The following LRRC32 variants were observed in gnomAD, a reference collection of about 807,000 sequenced individuals.
The protein encoded by LRRC32 is transforming growth factor beta activator LRRC32.
Under a neutral mutation model 15.0 loss-of-function variants are expected in LRRC32, and 5 were observed. The ratio of observed to expected loss-of-function variants is 0.33; its 90% confidence interval spans 0.17 to 0.70. LRRC32 has a LOEUF of 0.70. LRRC32 is among the 30% of genes least tolerant of loss of function. The pLI is 0.66. For synonymous variants in LRRC32, 391 were observed against 403.9 expected, an observed-to-expected ratio of 0.97 and a Z score of 0.38; for missense variants, 803 against 854.2, an observed-to-expected ratio of 0.94 and a Z score of 0.75.
intron 2 of LRRC32, chr11:76,663,560 T>C (rs775743363): frequency 6.6e-6 from 1 of 152,236 alleles, no homozygotes; most frequent in Non-Finnish European, 1.5e-5. Flanking sequence ...AGTGACTCCA[T>C]GTAGCCTCCA....
chr11:76,666,362 T>TGG (rs1429526720), intron 1 of LRRC32, among the ~76,000 whole-genome samples: 2 of 148,554 alleles, frequency 1.3e-5, no homozygotes, highest in Admixed American at 6.6e-5. Context: ...GTTTGGAGGG[T>TGG]GGGCCTCTGA....
Position 76,660,203 on chromosome 11 carries a change from G to T in LRRC32, c.1390C>A (p.Leu464Ile). 6.3e-7 allele frequency: 1 copy of T among 1,582,014 alleles called. No homozygotes were observed. The highest frequency in any genetic ancestry group is 2.2e-5 in the East Asian group (1 of 44,536). ...EIELLRAGAF[L>I]HTPLTELDLS... is the part of the protein sequence containing the mutation. ...TCCAGCTCAGTCAGTGGGGTGTGGA[G>T]GAAGGCCCCTGCCCTGAGCAGCTCT... Residue 464 changes from leucine (L) to isoleucine (I), a missense_variant, in exon 3 of 3, where the codon CTC becomes ATC. Physicochemically the swap from Leu to Ile is conservative, Grantham distance 5. Coordinates refer to ENST00000260061, the MANE Select transcript of LRRC32 (RefSeq NM_001128922.2).
At chr11:76,668,933 G>A (rs1232421141) in intron 1 of LRRC32, among the ~76,000 whole-genome samples, 1 of 152,234 alleles carries the variant, frequency 6.6e-6, no homozygotes, top group Non-Finnish European at 1.5e-5. Context: ...GCCCTCCTCA[G>A]TGGTGCCCAA....
At position 76,660,351 on chromosome 11, in the gene LRRC32, C is replaced by T. The variant is rs1448635483; in HGVS notation, c.1242G>A (p.Arg414=). The T allele has an allele frequency of 1.2e-6, 2 of 1,611,614 alleles. No homozygotes were observed. Among genetic ancestry groups the T allele is most frequent in the South Asian group, 2.2e-5 (2 of 90,582 alleles). Residue 414 remains arginine (R), a synonymous_variant, in exon 3 of 3, where the codon CGG becomes CGA. Transcript: ENST00000260061. Reference sequence around the variant, plus strand: ...TGACTCGGTTCCCCTGCAGGTTGAGCCGCTGCAGGCTGGCCAGATTGGCAA... The same window carrying T: ...TGACTCGGTTCCCCTGCAGGTTGAGTCGCTGCAGGCTGGCCAGATTGGCAA... ...YTFANLASLQ[R]LNLQGNRVSP... is the part of the protein sequence containing the mutation.
At chr11:76,664,800 C>T (rs1374011612) in intron 2 of LRRC32, among the ~76,000 whole-genome samples, 4 of 152,192 alleles carry the variant, frequency 2.6e-5, no homozygotes, top group African/African-American at 4.8e-5. Context: ...GTAGAATGTG[C>T]GTTTGTATTT....
rs895096843 is a variant in LRRC32, at chr11:76,658,384, A to T, written c.*1220T>A. On this transcript the variant is annotated 3_prime_UTR_variant, in exon 3 of 3. Coordinates refer to ENST00000260061, the MANE Select transcript of LRRC32 (RefSeq NM_001128922.2). The stretch of plus-strand genomic sequence containing the variant: ...CAGGGTGGAAAGGAAGGGAGGAGGG[A>T]AACAGGCAGAGAAGGAGGAGAGCGC... 16 of 152,966 alleles carry T rather than the reference A, an allele frequency of 1.0e-4. No individual in the cohort carries two copies. Among genetic ancestry groups the T allele is most frequent in the African/African-American group, 3.4e-4 (14 of 41,478 alleles). The allele number at this position is 152,966 out of a possible 1,614,324, so 9.5% of individuals were successfully genotyped here.
chr11:76,659,332 C>T lies in LRRC32; in HGVS notation c.*272G>A, dbSNP rs192678085. 1.2e-4 allele frequency: 55 copies of T among 455,570 alleles called. No individual in the cohort carries two copies. In the Admixed American group the frequency reaches 1.2e-3, roughly 10 times the overall value. 28.2% of individuals were successfully genotyped at this position (455,570 alleles called of 1,614,324 possible). ...CCAGAGCAGGGTGTGGCACAAAATACATGCTCAGTGAAGATTTGTTGATCT... is the reference window on the plus strand; with the variant it reads ...CCAGAGCAGGGTGTGGCACAAAATATATGCTCAGTGAAGATTTGTTGATCT... On this transcript the variant is annotated 3_prime_UTR_variant, in exon 3 of 3. Transcript: ENST00000260061.
In LRRC32 at chr11:76,660,121, G is replaced by A. The variant is rs779587215; in HGVS notation, c.1472C>T (p.Ala491Val). ...VATGALGGLE[A>V]SLEVLALQGN... ...CTGCAGTGCCAGGACCTCCAAGGAG[G>A]CCTCCAGGCCTCCCAAGGCCCCCGT... The change falls in exon 3 of 3, where the codon GCC becomes GTC. Residue 491 changes from alanine to valine, a missense_variant. Transcript: ENST00000260061. 6 of 1,611,376 alleles carry A rather than the reference G, an allele frequency of 3.7e-6. No individual in the cohort carries two copies. In the Admixed American group the frequency reaches 5.0e-5, roughly 14 times the overall value.
Position 76,659,513 on chromosome 11 carries a change from G to A in LRRC32, c.*91C>T. The A allele has an allele frequency of 7.3e-7, 1 of 1,373,768 alleles. No individual in the cohort carries two copies. The highest frequency in any genetic ancestry group is 1.4e-5 in the South Asian group (1 of 71,796). The allele number at this position is 1,373,768 out of a possible 1,614,324, so 85.1% of individuals were successfully genotyped here. On this transcript the variant is annotated 3_prime_UTR_variant, in exon 3 of 3. Transcript: ENST00000260061. Reference sequence around the variant, plus strand: ...CTGTAATTTGGAGACCAGAGTTCTGGGATCCCGGATCACTGTGTGACCTTG... The same window carrying A: ...CTGTAATTTGGAGACCAGAGTTCTGAGATCCCGGATCACTGTGTGACCTTG...
intron 1 of LRRC32, 132 bp from the exon 2 acceptor site, chr11:76,666,090 G>A (rs1285902176): frequency 1.4e-5 from 11 of 780,576 alleles, no homozygotes; most frequent in Non-Finnish European, 2.1e-5. Context: ...GAATAAAGAT[G>A]CTTTGAGCAG....
In LRRC32 at chr11:76,660,280, G is replaced by A. The variant is rs370553334; in HGVS notation, c.1313C>T (p.Ala438Val). The change falls in exon 3 of 3, where the codon GCC becomes GTC. Residue 438 changes from alanine to valine, a missense_variant. Physicochemically the swap from Ala to Val is moderately conservative, Grantham distance 64. Transcript: ENST00000260061. ...GCGGAGGGAGGTGATGCCGGAGAAG[G>A]CCACACAGCCGGAGGGGCCAGGCTC... ...PDEPGPSGCV[A>V]FSGITSLRSL... 1.3e-6 allele frequency: 2 copies of A among 1,580,372 alleles called. No individual in the cohort carries two copies. The highest frequency in any genetic ancestry group is 1.7e-6 in the Non-Finnish European group (2 of 1,165,484).
At chr11:76,670,467 C>A (rs1271259458) in intron 1 of LRRC32, 147 bp downstream of exon 1, 1 of 152,272 alleles carries the variant, frequency 6.6e-6, no homozygotes, top group Non-Finnish European at 1.5e-5. Flanking sequence ...GAGGGTCAGC[C>A]CCGGCTCCAC....
chr11:76,665,807 A>G, intron 2 of LRRC32, 64 bp downstream of exon 2: 3 of 1,601,838 alleles, frequency 1.9e-6, no homozygotes, highest in Non-Finnish European at 2.6e-6. Context: ...GGGCTGGGGC[A>G]CTAGCACACC....
rs146793058 is a variant in LRRC32, at chr11:76,659,617, T to G, written c.1976A>C (p.Gln659Pro). The change falls in exon 3 of 3, where the codon CAG becomes CCG. Residue 659 changes from glutamine (Q) to proline (P), a missense_variant. Transcript: ENST00000260061. Reference protein sequence around the residue: ...CCVRRQKFNQQYKA With the variant: ...CCVRRQKFNQPYKA ...CTCCCGGCTTCTTTAGGCTTTATAC[T>G]GTTGGTTAAACTTCTGCCGGCGGAC... 4.2e-5 allele frequency: 67 copies of G among 1,614,006 alleles called. No individual in the cohort carries two copies. The African/African-American group carries it at 8.1e-4, about 20-fold the overall frequency.
Position 76,659,946 on chromosome 11 carries a change from G to T in LRRC32, c.1647C>A (p.Ser549Arg). 1 of 1,613,972 alleles carries T rather than the reference G, an allele frequency of 6.2e-7. No individual in the cohort carries two copies. The highest frequency in any genetic ancestry group is 8.5e-7 in the Non-Finnish European group (1 of 1,180,028). ...CACCCATGGCACTGCCTGGCAGGAG[G>T]CTGAAGCTGTTGTTTCGCAGGTCCA... ...EVLDLRNNSF[S>R]LLPGSAMGGL... The change falls in exon 3 of 3, where the codon AGC becomes AGA. Residue 549 changes from serine (S) to arginine (R), a missense_variant. Transcript: ENST00000260061.
At chr11:76,667,461 C>T (rs1051923483) in intron 1 of LRRC32, among the ~76,000 whole-genome samples, 1 of 152,196 alleles carries the variant, frequency 6.6e-6, no homozygotes, top group African/African-American at 2.4e-5. Flanking sequence ...TGTTGGAACC[C>T]GCTAGTGATG....
intron 2 of LRRC32, among the ~76,000 whole-genome samples, chr11:76,665,113 T>C (rs1207239533): frequency 1.3e-5 from 2 of 152,226 alleles, no homozygotes; most frequent in Admixed American, 6.5e-5. Flanking sequence ...CTGTATCTCA[T>C]AGAGTCACAA....
At chr11:76,664,790 G>A (rs570647298) in intron 2 of LRRC32, among the ~76,000 whole-genome samples, 91 of 152,334 alleles carry the variant, frequency 6.0e-4, no homozygotes, top group African/African-American at 2.0e-3. Context: ...TCTCCCTGAG[G>A]TAGAATGTGC....
At position 76,659,635 on chromosome 11, in the gene LRRC32, C is replaced by T. The variant is rs200893333; in HGVS notation, c.1958G>A (p.Arg653Gln). 87 of 1,614,154 alleles carry T rather than the reference C, an allele frequency of 5.4e-5. No homozygotes were observed. Among genetic ancestry groups the T allele is most frequent in the Admixed American group, 2.7e-4 (16 of 60,020 alleles). ...TTTATACTGTTGGTTAAACTTCTGC[C>T]GGCGGACGCAGCAGCAGGCGGCCAG... is the stretch of plus-strand genomic sequence containing the variant. ...TTLAACCCVR[R>Q]QKFNQQYKA is the part of the protein sequence containing the mutation. The change falls in exon 3 of 3, where the codon CGG becomes CAG. Residue 653 changes from arginine to glutamine, a missense_variant. Transcript: ENST00000260061.
Sources: allele counts gnomAD v4.1 joint callset (sites outside exome capture counted in the v4.1 genomes callset), GRCh38; gene constraint gnomAD v4.1.1; transcripts MANE v1.5; gene names NCBI Gene and HGNC (gene_info 2026-07-23, HGNC 2026-07-21).